RHOBTB2: variants seen among roughly 807,000 people sequenced by gnomAD.
RHOBTB2 encodes the protein Rho related BTB domain containing 2.
In RHOBTB2, 39 loss-of-function variants were observed where a neutral mutation model predicts 66.5. That is an observed-to-expected ratio of 0.59 (90% confidence interval 0.45 to 0.77). The LOEUF (loss-of-function observed/expected upper bound fraction) is 0.77, where lower values mean the gene tolerates loss of function less well. RHOBTB2 is among the 30% of genes least tolerant of loss of function. The pLI is 0.00. For missense variants in RHOBTB2, 755 were observed against 999.1 expected, an observed-to-expected ratio of 0.76 and a Z score of 3.29; for synonymous variants, 390 against 395.0, an observed-to-expected ratio of 0.99 and a Z score of 0.15.
upstream of RHOBTB2, among the ~76,000 whole-genome samples, chr8:22,995,169 G>A (rs895427327): frequency 2.0e-5 from 3 of 152,158 alleles, no homozygotes; most frequent in African/African-American, 7.2e-5. Flanking sequence ...CTAACCTCAA[G>A]CTATTCTCTC....
At chr8:22,973,326 T>A in the RHOBTB2 span, among the ~76,000 whole-genome samples, 1 of 152,096 alleles carries the variant, frequency 6.6e-6, no homozygotes, top group South Asian at 2.1e-4. Context: ...CCTCCTGGGC[T>A]CAAGCAATCC....
At chr8:22,964,961 C>A in the RHOBTB2 span, among the ~76,000 whole-genome samples, 1 of 151,962 alleles carries the variant, frequency 6.6e-6, no homozygotes, top group Non-Finnish European at 1.5e-5. Context: ...GGATTACAGG[C>A]GCCCACCACC....
chr8:22,988,859 C>T (rs73672961), intron 1 of RHOBTB2, among the ~76,000 whole-genome samples: 80 of 152,308 alleles, frequency 5.3e-4, no homozygotes, highest in African/African-American at 1.8e-3. Flanking sequence ...GGCTGATAGC[C>T]TCCACCGACA....
intron 9 of RHOBTB2, 37 bp downstream of exon 9, chr8:23,015,780 CCTCCCCTT>C: frequency 2.1e-6 from 3 of 1,431,862 alleles, no homozygotes; most frequent in Non-Finnish European, 2.9e-6. Flanking sequence ...TACCTGCTGC[CCTCCCCTT>C]AGGGGTGCAC....
upstream of RHOBTB2, among the ~76,000 whole-genome samples, chr8:22,996,966 C>A (rs1476104638): frequency 6.6e-6 from 1 of 152,052 alleles, no homozygotes. Flanking sequence ...GGTCCCGGGG[C>A]AGTCCTGGCC....
rs372452138 is a variant in RHOBTB2, at chr8:23,011,834, G to A, written c.1771+1146G>A. ...CCTCACATACTGAGTTGAGATTCAG[G>A]GAAGAACCCAGTGTCAGAGCTGCTG... On this transcript the variant is annotated intron_variant, in intron 7 of 9. Transcript: ENST00000251822. Among the ~76,000 whole-genome samples the A allele has an allele frequency of 2.3e-4, 35 of 152,302 alleles. 1 individual carries two copies. In the South Asian group the frequency reaches 7.0e-3, roughly 31 times the overall value.
the RHOBTB2 span, among the ~76,000 whole-genome samples, chr8:22,963,964 A>C: frequency 1.3e-5 from 2 of 152,048 alleles, no homozygotes; most frequent in Non-Finnish European, 2.9e-5. Context: ...TATTTTTAGT[A>C]GAGATGGGGT....
chr8:23,002,888 A>G (rs1810827166), intron 1 of RHOBTB2, among the ~76,000 whole-genome samples: 1 of 152,180 alleles, frequency 6.6e-6, no homozygotes, highest in Admixed American at 6.5e-5. Flanking sequence ...TAGGTTGCTG[A>G]GATGCATCCA....
In RHOBTB2 at chr8:23,004,701, G is replaced by C; in HGVS notation, c.192+75G>C. 4 of 1,410,436 alleles carry C rather than the reference G, an allele frequency of 2.8e-6. No individual in the cohort carries two copies. The highest frequency in any genetic ancestry group is 2.5e-5 in the South Asian group (2 of 81,218). The allele number at this position is 1,410,436 out of a possible 1,614,324, so 87.4% of individuals were successfully genotyped here. ...TTGGGGGCTTCCTGAGGCATAGCTT[G>C]GTGTCTCCAGAGCTCACGGGAGCCC... On this transcript the variant is annotated intron_variant, in intron 2 of 9. Coordinates refer to ENST00000251822, the MANE Select transcript of RHOBTB2 (RefSeq NM_015178.3). This position sits in a 1 kb window ranked among gnomAD's most constrained non-coding sequence, Gnocchi z 6.4.
chr8:22,960,264 G>GT, the RHOBTB2 span, among the ~76,000 whole-genome samples: 4 of 151,760 alleles, frequency 2.6e-5, no homozygotes, highest in Admixed American at 2.6e-4. Context: ...TTATAAGAAA[G>GT]TTTAGAAGAA....
Position 23,004,635 on chromosome 8 carries a change from G to A in RHOBTB2, c.192+9G>A, listed in dbSNP as rs774185804. 2 of 1,609,350 alleles carry A rather than the reference G, an allele frequency of 1.2e-6. No homozygotes were observed. The highest frequency in any genetic ancestry group is 1.7e-6 in the Non-Finnish European group (2 of 1,178,338). On this transcript the variant is annotated intron_variant, in intron 2 of 9. Coordinates refer to ENST00000251822, the MANE Select transcript of RHOBTB2 (RefSeq NM_015178.3). The surrounding 1 kb of genome is among the most constrained non-coding windows in gnomAD (Gnocchi z 6.4). Reference sequence around the variant, plus strand: ...ATCGTGTGTGCCAGGAGGTAAGGCTGCAGGACTACCTGGCTGGGGGTCCAC... The same window carrying A: ...ATCGTGTGTGCCAGGAGGTAAGGCTACAGGACTACCTGGCTGGGGGTCCAC...
chr8:22,960,266 T>G, the RHOBTB2 span, among the ~76,000 whole-genome samples: 1 of 151,772 alleles, frequency 6.6e-6, no homozygotes, highest in Non-Finnish European at 1.5e-5. Context: ...ATAAGAAAGT[T>G]TAGAAGAAGG....
chr8:23,004,206 C>A lies in RHOBTB2; in HGVS notation c.-10-219C>A. The A allele has an allele frequency of 1.7e-6, 1 of 575,128 alleles. No individual in the cohort carries two copies. Among genetic ancestry groups the A allele is most frequent in the Non-Finnish European group, 3.1e-6 (1 of 320,216 alleles). The allele number at this position is 575,128 out of a possible 1,614,324, so 35.6% of individuals were successfully genotyped here. A position where few individuals can be genotyped will look rare whatever the true frequency, so the allele number is the denominator to read the frequency against. On this transcript the variant is annotated intron_variant, in intron 1 of 9. Transcript: ENST00000251822. The surrounding 1 kb of genome is among the most constrained non-coding windows in gnomAD (Gnocchi z 6.4). Reference sequence around the variant, plus strand: ...GTGGGAGCAGGAAGGGGACAGGTGGCCCATCTGGTGACACTGCTCCTCTCA... The same window carrying A: ...GTGGGAGCAGGAAGGGGACAGGTGGACCATCTGGTGACACTGCTCCTCTCA...
Position 22,999,971 on chromosome 8 carries a change from G to C in RHOBTB2, c.-145G>C, listed in dbSNP as rs975601743. 3.0e-6 allele frequency: 3 copies of C among 985,478 alleles called. No individual in the cohort carries two copies. Among genetic ancestry groups the C allele is most frequent in the Admixed American group, 6.1e-5 (1 of 16,274 alleles). 61.0% of individuals were successfully genotyped at this position (985,478 alleles called of 1,614,324 possible). ...GAGCTGGCCGGGAGGCTGGAGCCCA[G>C]CAGCAGCGCGGCGGCGCCGGCGTCG... On this transcript the variant is annotated 5_prime_UTR_variant, in exon 1 of 10. Transcript: ENST00000251822.
At chr8:22,975,550 C>T in the RHOBTB2 span, among the ~76,000 whole-genome samples, 10,271 of 152,018 alleles carry the variant, frequency 0.068, 1,171 homozygotes, top group African/African-American at 0.24. Flanking sequence ...AATGCAGAAG[C>T]GAAAGGAGAT....
intron 6 of RHOBTB2, among the ~76,000 whole-genome samples, chr8:23,009,019 A>G (rs955913010): frequency 5.3e-5 from 8 of 152,052 alleles, no homozygotes; most frequent in Admixed American, 4.6e-4. Flanking sequence ...TTAGTTGTCA[A>G]AGCAACAAAA....
Position 23,019,787 on chromosome 8 carries a change from C to T in RHOBTB2, c.*2318C>T, listed in dbSNP as rs568353305. The T allele has an allele frequency of 4.3e-5, 7 of 162,344 alleles. No individual in the cohort carries two copies. Among genetic ancestry groups the T allele is most frequent in the Non-Finnish European group, 6.8e-5 (5 of 74,030 alleles). 10.1% of individuals were successfully genotyped at this position (162,344 alleles called of 1,614,324 possible). A position where few individuals can be genotyped will look rare whatever the true frequency, so the allele number is the denominator to read the frequency against. ...CGGCCCCCCAACTTCAGGGACCCAC[C>T]GCCCATTCCCCGAGAGCTGTCGGAA... On this transcript the variant is annotated 3_prime_UTR_variant, in exon 10 of 10. Coordinates refer to ENST00000251822, the MANE Select transcript of RHOBTB2 (RefSeq NM_015178.3).
At chr8:23,010,446 G>A (rs1206652750) in intron 6 of RHOBTB2, 92 bp from the exon 7 acceptor site, 1 of 1,439,824 alleles carries the variant, frequency 6.9e-7, no homozygotes, top group Non-Finnish European at 9.4e-7. Flanking sequence ...GAGCCTGGGT[G>A]TGAGGGCCAG....
At chr8:22,989,679 T>G (rs1015876202) in intron 1 of RHOBTB2, among the ~76,000 whole-genome samples, 1 of 152,242 alleles carries the variant, frequency 6.6e-6, no homozygotes, top group African/African-American at 2.4e-5. Flanking sequence ...AGGTAAAAGC[T>G]GGCATCAGAA....
Sources: gnomAD v4.1 joint callset for allele counts (sites outside exome capture counted in the v4.1 genomes callset) on GRCh38, gnomAD v4.1.1 for gene constraint, Gnocchi (gnomAD v3.1) non-coding constraint, MANE v1.5 for transcripts, NCBI Gene and HGNC (gene_info 2026-07-23, HGNC 2026-07-21) for gene names.